Variants in CNTNAP2 observed in about 807,000 individuals in gnomAD.
CNTNAP2 encodes contactin associated protein 2.
A neutral mutation model predicts 155.2 loss-of-function variants in CNTNAP2; 98 were observed. The observed-to-expected ratio is 0.63, with a 90% CI of 0.54 to 0.75. The LOEUF is 0.75. Among genes scored for constraint, CNTNAP2 ranks in the 30% least tolerant of loss-of-function variants. The probability of loss-of-function intolerance (pLI) is 0.00; values close to 1 mark genes in which losing one functional copy is unlikely to be tolerated. For synonymous variants in CNTNAP2, 651 were observed against 631.2 expected (o/e 1.03, Z -0.47); for missense variants, 1,727 against 1,688.1 (o/e 1.02, Z -0.40).
At chr7:147,801,397 A>G (rs1486405323) in intron 13 of CNTNAP2, among the ~76,000 whole-genome samples, 2 of 149,800 alleles carry the variant, frequency 1.3e-5, no homozygotes, top group Admixed American at 6.7e-5. Flanking sequence ...GTCATAGGAC[A>G]ATAGTGGAGG....
chr7:147,327,535 C>A (rs1475043175), intron 9 of CNTNAP2, among the ~76,000 whole-genome samples: 4 of 152,170 alleles, frequency 2.6e-5, no homozygotes, highest in Admixed American at 2.6e-4. Flanking sequence ...TCAAATAGAT[C>A]AGAATAAAAA....
chr7:146,367,639 G>T (rs1795174226), intron 1 of CNTNAP2, among the ~76,000 whole-genome samples: 1 of 152,036 alleles, frequency 6.6e-6, no homozygotes, highest in Non-Finnish European at 1.5e-5. Context: ...AATTTTTCAT[G>T]TCTAAGTTAT....
chr7:147,099,281 C>T (rs1416857045), intron 4 of CNTNAP2, among the ~76,000 whole-genome samples: 1 of 152,092 alleles, frequency 6.6e-6, no homozygotes, highest in Admixed American at 6.5e-5. Flanking sequence ...GGATTGATTG[C>T]TTTATATTTG....
intron 3 of CNTNAP2, among the ~76,000 whole-genome samples, chr7:146,883,189 T>C (rs1003576198): frequency 4.6e-5 from 7 of 152,146 alleles, no homozygotes. Flanking sequence ...CATTTGTACA[T>C]TGTATTTTTC....
chr7:146,330,739 G>A (rs1000235894), intron 1 of CNTNAP2, among the ~76,000 whole-genome samples: 1 of 152,124 alleles, frequency 6.6e-6, no homozygotes, highest in Admixed American at 6.5e-5. Context: ...CGATTTTATG[G>A]TGGCTTGGAT....
intron 1 of CNTNAP2, among the ~76,000 whole-genome samples, chr7:146,331,069 C>T (rs1025001889): frequency 1.3e-5 from 2 of 152,108 alleles, no homozygotes; most frequent in Non-Finnish European, 2.9e-5. Flanking sequence ...CTTTGGGAGG[C>T]CGAGTCGGGC....
intron 13 of CNTNAP2, among the ~76,000 whole-genome samples, chr7:147,876,378 C>T (rs894194299): frequency 3.3e-5 from 5 of 152,036 alleles, no homozygotes; most frequent in Admixed American, 2.6e-4. Context: ...AGGAGAAAAA[C>T]GTTTAAATGT....
intron 14 of CNTNAP2, among the ~76,000 whole-genome samples, chr7:147,967,433 T>G (rs1013698240): frequency 6.6e-6 from 1 of 152,228 alleles, no homozygotes; most frequent in Non-Finnish European, 1.5e-5. Context: ...GGCATTGTTT[T>G]ATTCCTAGTC....
intron 1 of CNTNAP2, among the ~76,000 whole-genome samples, chr7:146,463,334 G>A (rs1401517950): frequency 1.3e-5 from 2 of 151,746 alleles, no homozygotes; most frequent in Non-Finnish European, 2.9e-5. Flanking sequence ...GAATTCTTCT[G>A]TCTCTTCCTC....
At chr7:146,169,389 G>C (rs1330642215) in intron 1 of CNTNAP2, among the ~76,000 whole-genome samples, 1 of 152,160 alleles carries the variant, frequency 6.6e-6, no homozygotes, top group Non-Finnish European at 1.5e-5. Context: ...AATGAAAAAT[G>C]TCTATATTGA....
At chr7:147,079,200 ACGAGGT>A (rs1427126451) in intron 4 of CNTNAP2, among the ~76,000 whole-genome samples, 1 of 152,216 alleles carries the variant, frequency 6.6e-6, no homozygotes, top group East Asian at 1.9e-4. Flanking sequence ...TAACTGTGCT[ACGAGGT>A]AGATGTTATT....
rs531466602 is a variant in CNTNAP2, at chr7:148,323,732, G to A, written c.3475+56606G>A. On this transcript the variant is annotated intron_variant, in intron 21 of 23. Transcript: ENST00000361727. ...AACTCTTGAAAACACTAACATTTGT[G>A]GGTCAGAAATTAGAGGACAGTAAAA... is the stretch of plus-strand genomic sequence containing the variant. Among the ~76,000 whole-genome samples the A allele has an allele frequency of 1.5e-4, 23 of 152,152 alleles. No homozygotes were observed. The South Asian group carries it at 4.6e-3, about 30-fold the overall frequency.
intron 11 of CNTNAP2, among the ~76,000 whole-genome samples, chr7:147,561,547 A>C (rs1412283379): frequency 6.6e-6 from 1 of 152,254 alleles, no homozygotes; most frequent in Non-Finnish European, 1.5e-5. Context: ...CCGTCTACAC[A>C]AACTAGATTT....
intron 8 of CNTNAP2, among the ~76,000 whole-genome samples, chr7:147,166,113 A>C (rs1324135531): frequency 1.3e-5 from 2 of 152,332 alleles, no homozygotes; most frequent in South Asian, 2.1e-4. Flanking sequence ...ACAGTTGCAA[A>C]AATATGGAAC....
At chr7:147,027,004 G>GAAAAAAAAAAAAAAAAA (rs57810224) in intron 3 of CNTNAP2, among the ~76,000 whole-genome samples, 4 of 67,436 alleles carry the variant, frequency 5.9e-5, no homozygotes, top group African/African-American at 1.8e-4. Context: ...AAACAGAACA[G>GAAAAAAAAAAAAAAAAA]AAAAAAAAAA....
At chr7:147,049,392 T>G (rs1799428577) in intron 4 of CNTNAP2, among the ~76,000 whole-genome samples, 1 of 152,178 alleles carries the variant, frequency 6.6e-6, no homozygotes, top group Admixed American at 6.5e-5. Context: ...TTCCAAAAAT[T>G]TACTGGCTAA....
At chr7:146,504,137 G>A (rs1404607087) in intron 1 of CNTNAP2, among the ~76,000 whole-genome samples, 1 of 152,226 alleles carries the variant, frequency 6.6e-6, no homozygotes, top group Admixed American at 6.5e-5. Flanking sequence ...CCAAAGCACA[G>A]CCACTTTCCT....
intron 2 of CNTNAP2, among the ~76,000 whole-genome samples, chr7:146,812,523 A>T (rs1490896043): frequency 6.6e-6 from 1 of 151,462 alleles, no homozygotes; most frequent in Non-Finnish European, 1.5e-5. Flanking sequence ...ATATGTATAC[A>T]TGTGCCATGT....
At chr7:146,283,392 AG>A (rs1800280107) in intron 1 of CNTNAP2, among the ~76,000 whole-genome samples, 1 of 152,098 alleles carries the variant, frequency 6.6e-6, no homozygotes, top group East Asian at 1.9e-4. Context: ...TTTTTTAACA[AG>A]GTCTTGCTCT....
Sources: allele counts gnomAD v4.1 joint callset (sites outside exome capture counted in the v4.1 genomes callset), GRCh38; gene constraint gnomAD v4.1.1; transcripts MANE v1.5; gene names NCBI Gene and HGNC (gene_info 2026-07-23, HGNC 2026-07-21).